VAV3: variants seen among roughly 807,000 people sequenced by gnomAD.
VAV3 encodes the protein guanine nucleotide exchange factor VAV3.
Under a neutral mutation model 131.2 loss-of-function variants are expected in VAV3, and 94 were observed. The observed-to-expected ratio is 0.72, with a 90% confidence interval of 0.61 to 0.85. The LOEUF (loss-of-function observed/expected upper bound fraction) is 0.85, where lower values mean the gene tolerates loss of function less well. VAV3 is among the 40% of genes least tolerant of loss of function. VAV3 has a pLI of 0.00. For missense variants in VAV3, 939 were observed against 1,002.7 expected (o/e 0.94, Z 0.86); for synonymous variants, 349 against 342.0 (o/e 1.02, Z -0.22).
intron 7 of VAV3, 43 bp from the exon 8 acceptor site, chr1:107,766,593 C>T: frequency 6.8e-7 from 1 of 1,466,158 alleles, no homozygotes; most frequent in South Asian, 1.2e-5. Flanking sequence ...GGAATAACAA[C>T]CAAAAAATAC....
chr1:107,873,643 C>G (rs1454125143), intron 2 of VAV3, among the ~76,000 whole-genome samples: 2 of 152,128 alleles, frequency 1.3e-5, no homozygotes, highest in Non-Finnish European at 2.9e-5. Context: ...GCTTTCAGTT[C>G]GTTGTACAAA....
At chr1:107,583,439 T>C (rs1314314714) in intron 25 of VAV3, among the ~76,000 whole-genome samples, 1 of 152,030 alleles carries the variant, frequency 6.6e-6, no homozygotes, top group South Asian at 2.1e-4. Flanking sequence ...AAATAAAGGG[T>C]ATTCAGTTAG....
intron 1 of VAV3, among the ~76,000 whole-genome samples, chr1:107,895,140 G>A (rs560971620): frequency 6.6e-6 from 1 of 152,012 alleles, no homozygotes; most frequent in Non-Finnish European, 1.5e-5. Context: ...AAAGAGCTAT[G>A]GGAAGCAGGA....
chr1:107,940,580 A>C (rs776551129), intron 1 of VAV3, among the ~76,000 whole-genome samples: 39 of 152,354 alleles, frequency 2.6e-4, no homozygotes, highest in African/African-American at 9.4e-4. Context: ...TTGGGAGACA[A>C]GTATCCATCA....
chr1:107,728,588 TGTATAC>T (rs1432016952), intron 15 of VAV3, among the ~76,000 whole-genome samples: 2 of 115,976 alleles, frequency 1.7e-5, no homozygotes, highest in Non-Finnish European at 3.6e-5. Flanking sequence ...GACAGTCATA[TGTATAC>T]GTATACGTAT....
At chr1:107,673,827 A>G (rs895821218) in intron 19 of VAV3, among the ~76,000 whole-genome samples, 5 of 152,342 alleles carry the variant, frequency 3.3e-5, no homozygotes, top group African/African-American at 1.2e-4. Context: ...GTGTGTAACA[A>G]AAGTATACAG....
rs141921551 is a variant in VAV3, at chr1:107,735,882, C to T, written c.1502+13086G>A. Among the ~76,000 whole-genome samples, 8 of 152,256 alleles carry T rather than the reference C, an allele frequency of 5.3e-5. No individual in the cohort carries two copies. The East Asian group carries it at 1.5e-3, about 29-fold the overall frequency. On this transcript the variant is annotated intron_variant, in intron 15 of 26. Transcript: ENST00000370056. Reference sequence around the variant, plus strand: ...GGTCAGCATCATCCTGATACCAAAGCCTGGCAGTGACACAACAACAAAAAA... The same window carrying T: ...GGTCAGCATCATCCTGATACCAAAGTCTGGCAGTGACACAACAACAAAAAA...
At chr1:107,745,772 TC>T (rs1433614921) in intron 15 of VAV3, among the ~76,000 whole-genome samples, 1 of 152,254 alleles carries the variant, frequency 6.6e-6, no homozygotes, top group Non-Finnish European at 1.5e-5. Flanking sequence ...AGAATTGCCA[TC>T]TTCTGTAAAT....
At chr1:107,695,174 T>C (rs1480593675) in intron 17 of VAV3, among the ~76,000 whole-genome samples, 1 of 152,024 alleles carries the variant, frequency 6.6e-6, no homozygotes, top group Non-Finnish European at 1.5e-5. Flanking sequence ...GAGGAAGTGG[T>C]AAAAAATGAG....
chr1:107,667,089 G>C (rs989289655), intron 19 of VAV3, among the ~76,000 whole-genome samples: 1 of 152,174 alleles, frequency 6.6e-6, no homozygotes, highest in Non-Finnish European at 1.5e-5. Flanking sequence ...CGAGAGTCTG[G>C]TATCCAGAAG....
intron 2 of VAV3, among the ~76,000 whole-genome samples, chr1:107,868,199 A>T (rs1670091024): frequency 6.6e-6 from 1 of 152,196 alleles, no homozygotes; most frequent in Non-Finnish European, 1.5e-5. Flanking sequence ...ATTTCTGGAT[A>T]ATTTGAGTGG....
chr1:107,604,501 C>T (rs1026853791), intron 22 of VAV3, among the ~76,000 whole-genome samples: 1 of 152,166 alleles, frequency 6.6e-6, no homozygotes, highest in African/African-American at 2.4e-5. Context: ...TCACTAGTCT[C>T]CAGCCTTCTT....
chr1:107,913,737 G>A (rs191077387), intron 1 of VAV3, among the ~76,000 whole-genome samples: 1 of 152,256 alleles, frequency 6.6e-6, no homozygotes, highest in East Asian at 1.9e-4. Context: ...TGGCAGAGTG[G>A]AGTATTAAGG....
chr1:107,874,905 C>A lies in VAV3; in HGVS notation c.317G>T (p.Gly106Val), dbSNP rs200164437. 6.2e-7 allele frequency: 1 copy of A among 1,612,836 alleles called. No individual in the cohort carries two copies. The highest frequency in any genetic ancestry group is 2.2e-5 in the East Asian group (1 of 44,794). ...TTAAAAATGAAGTATAATTACCTTT[C>A]CAAAGTCACGAACATCAAACAAGTC... ...AFDLFDVRDF[G>V]KVIETLSRLS... Residue 106 changes from glycine to valine, a missense_variant, in exon 2 of 27, where the codon GGA (glycine) becomes GTA (valine). Physicochemically the swap from Gly to Val is moderately radical, Grantham distance 109. Transcript: ENST00000370056.
At chr1:107,934,951 T>G (rs1354216560) in intron 1 of VAV3, among the ~76,000 whole-genome samples, 1 of 152,242 alleles carries the variant, frequency 6.6e-6, no homozygotes, top group African/African-American at 2.4e-5. Flanking sequence ...GAGTTGGTAG[T>G]ACATGAACCC....
intron 1 of VAV3, among the ~76,000 whole-genome samples, chr1:107,918,954 G>A (rs974422905): frequency 2.0e-5 from 3 of 152,010 alleles, no homozygotes; most frequent in South Asian, 2.1e-4. Context: ...TGATCCGCCC[G>A]CCTCAGCCTC....
intron 1 of VAV3, among the ~76,000 whole-genome samples, chr1:107,959,720 T>C (rs1296739947): frequency 1.3e-5 from 2 of 152,142 alleles, no homozygotes; most frequent in Non-Finnish European, 2.9e-5. Context: ...TGATTTTAAA[T>C]ACCATCTTCA....
At chr1:107,902,147 T>A (rs1473857252) in intron 1 of VAV3, among the ~76,000 whole-genome samples, 1 of 152,140 alleles carries the variant, frequency 6.6e-6, no homozygotes, top group African/African-American at 2.4e-5. Context: ...TGCCTTAAAC[T>A]AAGAAAGCTT....
chr1:107,771,077 A>G (rs1231811614), intron 5 of VAV3, among the ~76,000 whole-genome samples: 2 of 152,212 alleles, frequency 1.3e-5, no homozygotes, highest in Non-Finnish European at 2.9e-5. Flanking sequence ...CTGCAAAAAC[A>G]ATAAAAAGGT....
Sources: allele counts gnomAD v4.1 joint callset (sites outside exome capture counted in the v4.1 genomes callset), GRCh38; gene constraint gnomAD v4.1.1; transcripts MANE v1.5; gene names NCBI Gene and HGNC (gene_info 2026-07-23, HGNC 2026-07-21).